Variants in FANCA observed in about 807,000 individuals in gnomAD.
FANCA encodes Fanconi anemia group A protein.
A neutral mutation model predicts 194.3 loss-of-function variants in FANCA; 236 were observed. The ratio of observed to expected loss-of-function variants is 1.21; its 90% CI spans 1.09 to 1.35. The LOEUF is 1.35. Ranked by LOEUF, FANCA falls within the 40% of genes most tolerant of loss-of-function variation. The probability of loss-of-function intolerance (pLI) is 0.00; values close to 1 mark genes in which losing one functional copy is unlikely to be tolerated. For synonymous variants in FANCA, 1,014 were observed against 715.8 expected (o/e 1.42, Z -6.65); for missense variants, 2,628 against 1,813.9 (o/e 1.45, Z -8.15).
intron 39 of FANCA, 106 bp downstream of exon 39, chr16:89,739,888 A>G: frequency 6.4e-7 from 1 of 1,566,118 alleles, no homozygotes; most frequent in East Asian, 2.3e-5. Context: ...GAGCTTATAA[A>G]CTTACTTAGC....
chr16:89,774,557 T>C (rs1974573), intron 21 of FANCA, among the ~76,000 whole-genome samples: 77,846 of 150,582 alleles, frequency 0.52, 21,940 homozygotes, highest in East Asian at 0.98. Context: ...GGTGAAACCC[T>C]GTCTCTACTA....
rs957457883 is a variant in FANCA at position 89,739,728 on chromosome 16, G to C, written c.3935-175C>G. On this transcript the variant is annotated intron_variant, in intron 39 of 42. Coordinates refer to ENST00000389301, the MANE Select transcript of FANCA (RefSeq NM_000135.4). ...TACCTGTCAGCAGCTGGGAGAGGAT[G>C]GGGGGGTCGACCTCTTGCAGGAGGG... 25 of 1,494,102 alleles carry C rather than the reference G, an allele frequency of 1.7e-5. No individual in the cohort carries two copies. The East Asian group carries it at 3.5e-4, about 21-fold the overall frequency. The allele number at this position is 1,494,102 out of a possible 1,614,324, so 92.6% of individuals were successfully genotyped here.
chr16:89,776,146 A>C (rs1310885050), intron 20 of FANCA, among the ~76,000 whole-genome samples: 1 of 147,970 alleles, frequency 6.8e-6, no homozygotes. Context: ...TCAAAACACG[A>C]ATCTTTGTTT....
At position 89,738,846 on chromosome 16, in the gene FANCA, C is replaced by T. The variant is rs757777876; in HGVS notation, c.4260+36G>A. On this transcript the variant is annotated intron_variant, in intron 42 of 42. Coordinates refer to ENST00000389301, the MANE Select transcript of FANCA (RefSeq NM_000135.4). ...CCCAGGCAGCTGTCAATTCTCATGT[C>T]CCCCACATGGCCCAAGGTGGGCATC... is the stretch of plus-strand genomic sequence containing the variant. 66 of 1,614,074 alleles carry T rather than the reference C, an allele frequency of 4.1e-5. 1 individual carries two copies. In the South Asian group the frequency reaches 6.7e-4, roughly 16 times the overall value.
At chr16:89,809,326 T>C (rs1434969541) in intron 5 of FANCA, among the ~76,000 whole-genome samples, 3 of 152,192 alleles carry the variant, frequency 2.0e-5, no homozygotes, top group Non-Finnish European at 4.4e-5. Context: ...TTCTTGTGGA[T>C]TTAGTGGCTT....
chr16:89,765,929 A>C (rs1249535315), intron 27 of FANCA, among the ~76,000 whole-genome samples: 1 of 152,230 alleles, frequency 6.6e-6, no homozygotes, highest in African/African-American at 2.4e-5. Context: ...AGGGGCCAGG[A>C]ATCTATAGTT....
intron 15 of FANCA, among the ~76,000 whole-genome samples, chr16:89,783,394 C>CA (rs34699878): frequency 2.0e-5 from 3 of 151,532 alleles, no homozygotes; most frequent in East Asian, 3.9e-4. Flanking sequence ...ACTAAAAATA[C>CA]AAAAAAATTA....
chr16:89,758,489 G>A, intron 30 of FANCA, 88 bp downstream of exon 30: 1 of 1,521,896 alleles, frequency 6.6e-7, no homozygotes. Context: ...TAATTAGATG[G>A]GCACCAGCAT....
chr16:89,765,382 C>T lies in FANCA; in HGVS notation c.2602-316G>A, dbSNP rs879277145. 2.6e-5 allele frequency among the ~76,000 whole-genome samples: 4 copies of T among 152,026 alleles called. No individual in the cohort carries two copies. In the South Asian group the frequency reaches 8.3e-4, roughly 32 times the overall value. On this transcript the variant is annotated intron_variant, in intron 27 of 42. Coordinates refer to ENST00000389301, the MANE Select transcript of FANCA (RefSeq NM_000135.4). ...TGGGAGGGCACAACACACAACCCCA[C>T]GTTCAGGGGACCTCAGTCCAGCCCC...
intron 14 of FANCA, among the ~76,000 whole-genome samples, chr16:89,788,805 C>G (rs576675060): frequency 6.6e-6 from 1 of 152,112 alleles, no homozygotes; most frequent in East Asian, 1.9e-4. Context: ...AAAGAAAACA[C>G]AAACAGAAAA....
At chr16:89,799,347 C>T (rs1416995798) in intron 9 of FANCA, 115 bp from the exon 10 acceptor site, 1 of 1,214,870 alleles carries the variant, frequency 8.2e-7, no homozygotes, top group South Asian at 1.3e-5. Context: ...AGAGGGCCCA[C>T]ATCCATCAAG....
intron 17 of FANCA, among the ~76,000 whole-genome samples, 172 bp downstream of exon 17, chr16:89,782,687 G>T (rs1377258378): frequency 6.6e-6 from 1 of 152,110 alleles, no homozygotes; most frequent in African/African-American, 2.4e-5. Context: ...GACACACAAG[G>T]TGGGACACAG....
Position 89,812,254 on chromosome 16 carries a change from C to T in FANCA, c.284-1183G>A, listed in dbSNP as rs1423808179. On this transcript the variant is annotated intron_variant, in intron 3 of 42. Transcript: ENST00000389301. The stretch of plus-strand genomic sequence containing the variant: ...CTCAGGAGGCTGAGGCGAAGAATGG[C>T]GTGAACCCAGGAGGCGGAGTTTGCA... Among the ~76,000 whole-genome samples, 3 of 148,038 alleles carry T rather than the reference C, an allele frequency of 2.0e-5. No individual in the cohort carries two copies. In the East Asian group the frequency reaches 6.2e-4, roughly 31 times the overall value.
In FANCA at chr16:89,784,419, A is replaced by AT. The variant is rs1268853027; in HGVS notation, c.1470+434dup. Among the ~76,000 whole-genome samples, 178 of 145,552 alleles carry AT rather than the reference A, an allele frequency of 1.2e-3. 2 individuals carry two copies. In the South Asian group the frequency reaches 0.018, roughly 15 times the overall value. On this transcript the variant is annotated intron_variant, in intron 15 of 42. Coordinates refer to ENST00000389301, the MANE Select transcript of FANCA (RefSeq NM_000135.4). ...AAAACAAAAAAAAAACCCACATGAA[A>AT]TTAAAAAAAAAAAAAAAAAAGCAAA...
intron 8 of FANCA, among the ~76,000 whole-genome samples, chr16:89,800,503 A>T (rs2040407632): frequency 6.6e-6 from 1 of 152,230 alleles, no homozygotes; most frequent in African/African-American, 2.4e-5. Context: ...GATTCAATGC[A>T]ATCCCTATCA....
Position 89,810,941 on chromosome 16 carries a change from A to G in FANCA, c.414T>C (p.Thr138=), listed in dbSNP as rs574311470. 1.2e-6 allele frequency: 2 copies of G among 1,614,044 alleles called. No homozygotes were observed. The highest frequency in any genetic ancestry group is 1.1e-5 in the South Asian group (1 of 91,096). The part of the protein sequence containing the change: ...PAETSHPVLL[T]VEQRKKLSSL... ...GCTGGTGTCTTACTCTCTGCTCCAC[A>G]GTCAGCAGCACAGGGTGACTGGTCT... Residue 138 remains threonine, a synonymous_variant, in exon 4 of 43, where the codon ACT becomes ACC. Transcript: ENST00000389301.
intron 28 of FANCA, chr16:89,762,577 A>G (rs1272279784): frequency 2.7e-5 from 6 of 223,048 alleles, no homozygotes; most frequent in African/African-American, 4.7e-5. Context: ...AGGAAAAAAA[A>G]AAAAAAGAAA....
At position 89,811,091 on chromosome 16, in the gene FANCA, C is replaced by A. The variant is rs1308193778; in HGVS notation, c.284-20G>T. 3.7e-6 allele frequency: 6 copies of A among 1,613,692 alleles called. No individual in the cohort carries two copies. The highest frequency in any genetic ancestry group is 5.1e-6 in the Non-Finnish European group (6 of 1,180,018). On this transcript the variant is annotated intron_variant, in intron 3 of 42. Coordinates refer to ENST00000389301, the MANE Select transcript of FANCA (RefSeq NM_000135.4). ...CAGAGCCTTAAACACAAAACAAAAC[C>A]ATAGCTTTCTCTTAACACATGAGAC... is the stretch of plus-strand genomic sequence containing the variant.
intron 26 of FANCA, among the ~76,000 whole-genome samples, chr16:89,768,182 G>A (rs1331361738): frequency 6.6e-6 from 1 of 152,114 alleles, no homozygotes; most frequent in Non-Finnish European, 1.5e-5. Flanking sequence ...GGAGGCTGAG[G>A]TGGGAAGATC....
Sources: allele counts gnomAD v4.1 joint callset (sites outside exome capture counted in the v4.1 genomes callset), GRCh38; gene constraint gnomAD v4.1.1; transcripts MANE v1.5; gene names NCBI Gene and HGNC (gene_info 2026-07-23, HGNC 2026-07-21).